The following KRTAP13-2 variants were observed in gnomAD, a reference collection of about 807,000 sequenced individuals.
KRTAP13-2 encodes keratin associated protein 13-2.
For synonymous variants in KRTAP13-2, 92 were observed against 87.4 expected (o/e 1.05, Z -0.30); for missense variants, 231 against 212.4 (o/e 1.09, Z -0.55).
Position 30,371,743 on chromosome 21 carries a change from G to A in KRTAP13-2, c.471C>T (p.Cys157=). The change falls in exon 1 of 1, where the codon TGC becomes TGT. Residue 157 remains cysteine, a synonymous_variant. Transcript: ENST00000399889. The part of the protein sequence containing the change: ...CRPTYLASRS[C]QSPCYRPAYG... ...AGGCTGGTCTGTAACAAGGAGACTG[G>A]CAGCTCCTAGAAGCCAAGTAGGTTG... The A allele has an allele frequency of 6.2e-7, 1 of 1,614,144 alleles. No individual in the cohort carries two copies. The highest frequency in any genetic ancestry group is 8.5e-7 in the Non-Finnish European group (1 of 1,179,986).
chr21:30,371,699 C>G lies in KRTAP13-2; in HGVS notation c.515G>C (p.Arg172Thr). The change falls in exon 1 of 1, where the codon AGA becomes ACA. Residue 172 changes from arginine to threonine, a missense_variant. By Grantham distance (71) the Arg-to-Thr change is moderately conservative. Coordinates refer to ENST00000399889, the MANE Select transcript of KRTAP13-2 (RefSeq NM_181621.4). ...YRPAYGSTFCRSTC is the reference protein window; with the variant it reads ...YRPAYGSTFCTSTC ...AGGTCTGGAAATTCAGCAAGTTGAT[C>G]TGCAGAAGGTTGATCCATAGGCTGG... 1.2e-6 allele frequency: 2 copies of G among 1,612,684 alleles called. No individual in the cohort carries two copies. The highest frequency in any genetic ancestry group is 1.7e-6 in the Non-Finnish European group (2 of 1,179,226).
chr21:30,371,565 C>G lies in KRTAP13-2; in HGVS notation c.*121G>C. ...AAAGAACTAGCCTGTCCAGCCAGTACTTGATGCCAGAGAAAGGATGAAGAG... is the reference window on the plus strand; with the variant it reads ...AAAGAACTAGCCTGTCCAGCCAGTAGTTGATGCCAGAGAAAGGATGAAGAG... On this transcript the variant is annotated 3_prime_UTR_variant, in exon 1 of 1. Transcript: ENST00000399889. 1 of 982,886 alleles carries G rather than the reference C, an allele frequency of 1.0e-6. No homozygotes were observed. 60.9% of individuals were successfully genotyped at this position (982,886 alleles called of 1,614,324 possible).
rs1171142768 is a variant in KRTAP13-2 at position 30,371,601 on chromosome 21, G to C, written c.*85C>G. The C allele has an allele frequency of 7.8e-7, 1 of 1,287,454 alleles. No homozygotes were observed. Among genetic ancestry groups the C allele is most frequent in the Non-Finnish European group, 1.1e-6 (1 of 918,922 alleles). The allele number at this position is 1,287,454 out of a possible 1,614,324, so 79.8% of individuals were successfully genotyped here. On this transcript the variant is annotated 3_prime_UTR_variant, in exon 1 of 1. Transcript: ENST00000399889. ...AGAAAGGATGAAGAGCTAGTAGTAA[G>C]AGGGGTTAGCTCACATTGCTGGAAA...
chr21:30,371,836 A>G lies in KRTAP13-2; in HGVS notation c.378T>C (p.Gly126=), dbSNP rs773437103. 1.9e-6 allele frequency: 3 copies of G among 1,614,114 alleles called. No homozygotes were observed. Among genetic ancestry groups the G allele is most frequent in the South Asian group, 1.1e-5 (1 of 91,068 alleles). Residue 126 remains glycine, a synonymous_variant, in exon 1 of 1, where the codon GGT becomes GGC. Transcript: ENST00000399889. ...AGCTTCCATAACCCAGGGATCTGACACCACTGGACCCACAGCCCACTGAGT... is the reference window on the plus strand; with the variant it reads ...AGCTTCCATAACCCAGGGATCTGACGCCACTGGACCCACAGCCCACTGAGT... The part of the protein sequence containing the change: ...SCYSVGCGSS[G]VRSLGYGSCG...
chr21:30,371,390 T>C lies in KRTAP13-2; in HGVS notation c.*296A>G, dbSNP rs556244901. 4 of 299,802 alleles carry C rather than the reference T, an allele frequency of 1.3e-5. No individual in the cohort carries two copies. Among genetic ancestry groups the C allele is most frequent in the South Asian group, 5.0e-5 (1 of 19,902 alleles). 18.6% of individuals were successfully genotyped at this position (299,802 alleles called of 1,614,324 possible). A position where few individuals can be genotyped will look rare whatever the true frequency, so the allele number is the denominator to read the frequency against. The stretch of plus-strand genomic sequence containing the variant: ...ACCAATAAAAGACAAAGAGAACATA[T>C]TGGAATCAACAGTAAATGAATTTAT... On this transcript the variant is annotated 3_prime_UTR_variant, in exon 1 of 1. Transcript: ENST00000399889.
rs781451537 is a variant in KRTAP13-2 at position 30,372,234 on chromosome 21, C to T, written c.-21G>A. The T allele has an allele frequency of 3.8e-6, 6 of 1,598,978 alleles. No homozygotes were observed. Among genetic ancestry groups the T allele is most frequent in the Admixed American group, 1.7e-5 (1 of 59,064 alleles). ...GACATGTTGACGGGAGATGTGAGTT[C>T]AGCTGAGTTATAGTGGAAAGATTCT... On this transcript the variant is annotated 5_prime_UTR_variant, in exon 1 of 1. Transcript: ENST00000399889.
Position 30,372,237 on chromosome 21 carries a change from C to T in KRTAP13-2, c.-24G>A, listed in dbSNP as rs8129087. The T allele has an allele frequency of 0.021, 32,935 of 1,597,004 alleles. 483 individuals carry two copies. Among genetic ancestry groups the T allele is most frequent in the African/African-American group, 0.061 (4,569 of 74,764 alleles). On this transcript the variant is annotated 5_prime_UTR_variant, in exon 1 of 1. Transcript: ENST00000399889. ...ATGTTGACGGGAGATGTGAGTTCAGCTGAGTTATAGTGGAAAGATTCTCTG... is the reference window on the plus strand; with the variant it reads ...ATGTTGACGGGAGATGTGAGTTCAGTTGAGTTATAGTGGAAAGATTCTCTG...
In KRTAP13-2 at chr21:30,371,438, C is replaced by A. The variant is rs1982892905; in HGVS notation, c.*248G>T. Reference sequence around the variant, plus strand: ...TATTACGTGAAACAAAACTGAACTTCCATATACTTTATAAGATGAACTTAC... The same window carrying A: ...TATTACGTGAAACAAAACTGAACTTACATATACTTTATAAGATGAACTTAC... On this transcript the variant is annotated 3_prime_UTR_variant, in exon 1 of 1. Coordinates refer to ENST00000399889, the MANE Select transcript of KRTAP13-2 (RefSeq NM_181621.4). 2.1e-6 allele frequency: 1 copy of A among 465,538 alleles called. No homozygotes were observed. Among genetic ancestry groups the A allele is most frequent in the African/African-American group, 1.9e-5 (1 of 51,458 alleles). The allele number at this position is 465,538 out of a possible 1,614,324, so 28.8% of individuals were successfully genotyped here.
rs1394445354 is a variant in KRTAP13-2, at chr21:30,372,227, G to A, written c.-14C>T. 5.4e-5 allele frequency: 86 copies of A among 1,604,110 alleles called. No individual in the cohort carries two copies. Among genetic ancestry groups the A allele is most frequent in the Non-Finnish European group, 7.2e-5 (85 of 1,173,872 alleles). ...GTTGTAGGACATGTTGACGGGAGAT[G>A]TGAGTTCAGCTGAGTTATAGTGGAA... On this transcript the variant is annotated 5_prime_UTR_variant, in exon 1 of 1. Coordinates refer to ENST00000399889, the MANE Select transcript of KRTAP13-2 (RefSeq NM_181621.4).
Position 30,371,676 on chromosome 21 carries a change from G to C in KRTAP13-2, c.*10C>G. 1.2e-6 allele frequency: 2 copies of C among 1,610,610 alleles called. No individual in the cohort carries two copies. Among genetic ancestry groups the C allele is most frequent in the Non-Finnish European group, 1.7e-6 (2 of 1,178,046 alleles). On this transcript the variant is annotated 3_prime_UTR_variant, in exon 1 of 1. Coordinates refer to ENST00000399889, the MANE Select transcript of KRTAP13-2 (RefSeq NM_181621.4). ...GAGACTGAGACACTTTGCTTAAAAG[G>C]TCTGGAAATTCAGCAAGTTGATCTG...
In KRTAP13-2 at chr21:30,371,988, A is replaced by T. The variant is rs781361761; in HGVS notation, c.226T>A (p.Cys76Ser). 6.2e-7 allele frequency: 1 copy of T among 1,614,068 alleles called. No homozygotes were observed. Among genetic ancestry groups the T allele is most frequent in the Non-Finnish European group, 8.5e-7 (1 of 1,179,928 alleles). Residue 76 changes from cysteine to serine, a missense_variant, in exon 1 of 1, where the codon TGC (cysteine) becomes AGC (serine). Coordinates refer to ENST00000399889, the MANE Select transcript of KRTAP13-2 (RefSeq NM_181621.4). ...CQTSYVESSPCQTSCYRPRTS... is the reference protein window; with the variant it reads ...CQTSYVESSPSQTSCYRPRTS... ...CTGGGGCGGTAGCAGGAGGTCTGGC[A>T]GGGGCTGGACTCCACATAGGACGTC...
In KRTAP13-2 at chr21:30,372,077, C is replaced by T. The variant is rs1178369497; in HGVS notation, c.137G>A (p.Cys46Tyr). 2 of 1,614,060 alleles carry T rather than the reference C, an allele frequency of 1.2e-6. No individual in the cohort carries two copies. The highest frequency in any genetic ancestry group is 1.7e-6 in the Non-Finnish European group (2 of 1,180,042). The change falls in exon 1 of 1, where the codon TGC (cysteine) becomes TAC (tyrosine). Residue 46 changes from cysteine (C) to tyrosine (Y), a missense_variant. Coordinates refer to ENST00000399889, the MANE Select transcript of KRTAP13-2 (RefSeq NM_181621.4). ...YSTDLCSPST[C>Y]QLGSSLYRGC... ...CCTATAGAGAGAGGAACCCAGCTGG[C>T]AGGTGCTGGGAGAGCAGAGGTCAGT...
Position 30,371,635 on chromosome 21 carries a change from A to T in KRTAP13-2, c.*51T>A. On this transcript the variant is annotated 3_prime_UTR_variant, in exon 1 of 1. Transcript: ENST00000399889. ...GCTCACATTGCTGGAAATGCCTATGATAACAGCTCTACGTAGAGACTGAGA... is the reference window on the plus strand; with the variant it reads ...GCTCACATTGCTGGAAATGCCTATGTTAACAGCTCTACGTAGAGACTGAGA... The T allele has an allele frequency of 2.6e-6, 4 of 1,545,948 alleles. No individual in the cohort carries two copies. The highest frequency in any genetic ancestry group is 3.5e-6 in the Non-Finnish European group (4 of 1,139,562).
rs1216734251 is a variant in KRTAP13-2 at position 30,371,664 on chromosome 21, T to C, written c.*22A>G. On this transcript the variant is annotated 3_prime_UTR_variant, in exon 1 of 1. Transcript: ENST00000399889. ...CAGCTCTACGTAGAGACTGAGACACTTTGCTTAAAAGGTCTGGAAATTCAG... is the reference window on the plus strand; with the variant it reads ...CAGCTCTACGTAGAGACTGAGACACCTTGCTTAAAAGGTCTGGAAATTCAG... 2.5e-6 allele frequency: 4 copies of C among 1,605,344 alleles called. No individual in the cohort carries two copies. Among genetic ancestry groups the C allele is most frequent in the Non-Finnish European group, 3.4e-6 (4 of 1,175,050 alleles).
chr21:30,371,973 A>T lies in KRTAP13-2; in HGVS notation c.241T>A (p.Tyr81Asn). ...VESSPCQTSC[Y>N]RPRTSLLCSP... ...CAGAGCAAGGAGGTTCTGGGGCGGT[A>T]GCAGGAGGTCTGGCAGGGGCTGGAC... Residue 81 changes from tyrosine to asparagine, a missense_variant, in exon 1 of 1, where the codon TAC becomes AAC. Transcript: ENST00000399889. 6.2e-7 allele frequency: 1 copy of T among 1,614,188 alleles called. No homozygotes were observed. Among genetic ancestry groups the T allele is most frequent in the Non-Finnish European group, 8.5e-7 (1 of 1,180,022 alleles).
In KRTAP13-2 at chr21:30,372,230, A is replaced by G; in HGVS notation, c.-17T>C. The G allele has an allele frequency of 6.3e-7, 1 of 1,598,936 alleles. No homozygotes were observed. The highest frequency in any genetic ancestry group is 8.5e-7 in the Non-Finnish European group (1 of 1,171,258). ...GTAGGACATGTTGACGGGAGATGTG[A>G]GTTCAGCTGAGTTATAGTGGAAAGA... On this transcript the variant is annotated 5_prime_UTR_variant, in exon 1 of 1. Coordinates refer to ENST00000399889, the MANE Select transcript of KRTAP13-2 (RefSeq NM_181621.4).
chr21:30,372,003 C>A lies in KRTAP13-2; in HGVS notation c.211G>T (p.Val71Leu), dbSNP rs759676393. ...WEPTSCQTSY[V>L]ESSPCQTSCY... ...GAGGTCTGGCAGGGGCTGGACTCCA[C>A]ATAGGACGTCTGGCAGCTGGTGGGC... Residue 71 changes from valine (V) to leucine (L), a missense_variant, in exon 1 of 1, where the codon GTG becomes TTG. Physicochemically the swap from Val to Leu is conservative, Grantham distance 32 (BLOSUM62 1). Coordinates refer to ENST00000399889, the MANE Select transcript of KRTAP13-2 (RefSeq NM_181621.4). 14 of 1,614,018 alleles carry A rather than the reference C, an allele frequency of 8.7e-6. No individual in the cohort carries two copies. Among genetic ancestry groups the A allele is most frequent in the Non-Finnish European group, 1.2e-5 (14 of 1,179,926 alleles).
In KRTAP13-2 at chr21:30,371,571, G is replaced by T; in HGVS notation, c.*115C>A. The T allele has an allele frequency of 9.7e-7, 1 of 1,034,044 alleles. No homozygotes were observed. The highest frequency in any genetic ancestry group is 1.4e-6 in the Non-Finnish European group (1 of 701,434). 64.1% of individuals were successfully genotyped at this position (1,034,044 alleles called of 1,614,324 possible). ...CTAGCCTGTCCAGCCAGTACTTGAT[G>T]CCAGAGAAAGGATGAAGAGCTAGTA... On this transcript the variant is annotated 3_prime_UTR_variant, in exon 1 of 1. Transcript: ENST00000399889.
Sources: gnomAD v4.1 joint callset for allele counts on GRCh38, gnomAD v4.1.1 for gene constraint, MANE v1.5 for transcripts, NCBI Gene and HGNC (gene_info 2026-07-23, HGNC 2026-07-21) for gene names.